Variants in MPDZ observed in about 807,000 individuals in gnomAD.
MPDZ encodes multiple PDZ domain crumbs cell polarity complex component, also known as multiple PDZ domain protein.
A neutral mutation model predicts 239.1 loss-of-function variants in MPDZ; 234 were observed. The ratio of observed to expected loss-of-function variants is 0.98; its 90% CI spans 0.88 to 1.09. MPDZ has a LOEUF of 1.09. MPDZ is among the 50% of genes least tolerant of loss of function. The probability of loss-of-function intolerance (pLI) is 0.00; values close to 1 mark genes in which losing one functional copy is unlikely to be tolerated. For missense variants in MPDZ, 3,175 were observed against 2,510.0 expected (o/e 1.26, Z -5.66); for synonymous variants, 1,048 against 881.3 (o/e 1.19, Z -3.35).
intron 19 of MPDZ, among the ~76,000 whole-genome samples, chr9:13,178,119 C>T (rs554235641): frequency 5.4e-4 from 82 of 151,964 alleles, no homozygotes; most frequent in African/African-American, 1.9e-3. Context: ...ATTAGCCGGG[C>T]GTGGTGGCTG....
chr9:13,216,570 A>G (rs1181266777), intron 10 of MPDZ, among the ~76,000 whole-genome samples: 1 of 151,938 alleles, frequency 6.6e-6, no homozygotes, highest in Non-Finnish European at 1.5e-5. Context: ...CCCGTTTGGA[A>G]CTGAGATGAG....
At chr9:13,275,208 C>T (rs1392803750) in intron 1 of MPDZ, among the ~76,000 whole-genome samples, 2 of 152,214 alleles carry the variant, frequency 1.3e-5, no homozygotes, top group Admixed American at 6.5e-5. Flanking sequence ...TAAAAATTCA[C>T]AGGAAATCCT....
intron 1 of MPDZ, among the ~76,000 whole-genome samples, chr9:13,251,080 G>C (rs1041923038): frequency 6.6e-5 from 8 of 120,412 alleles, no homozygotes; most frequent in African/African-American, 2.3e-4. Flanking sequence ...GGTGAGCCGA[G>C]ATCATGCCAC....
intron 2 of MPDZ, among the ~76,000 whole-genome samples, chr9:13,248,436 A>G (rs1312446659): frequency 1.3e-5 from 2 of 152,166 alleles, no homozygotes; most frequent in Non-Finnish European, 1.5e-5. Flanking sequence ...AAGTAAATAT[A>G]TTGAGTAACT....
chr9:13,114,526 T>C (rs548695516), intron 40 of MPDZ, among the ~76,000 whole-genome samples: 1 of 152,310 alleles, frequency 6.6e-6, no homozygotes, highest in South Asian at 2.1e-4. Flanking sequence ...TTTTTATACA[T>C]GGTGCTGAGT....
intron 1 of MPDZ, 132 bp downstream of exon 1, chr9:13,279,268 C>A (rs1481466258): frequency 3.0e-5 from 4 of 134,740 alleles, no homozygotes; most frequent in Non-Finnish European, 6.6e-5. Context: ...CCCCCACCCC[C>A]ACCCCCATCC....
intron 12 of MPDZ, among the ~76,000 whole-genome samples, chr9:13,203,197 C>A (rs1458443167): frequency 6.6e-6 from 1 of 152,022 alleles, no homozygotes; most frequent in Non-Finnish European, 1.5e-5. Context: ...AAATTCAGTA[C>A]AGAGAGAAAT....
rs140423550 is a variant in MPDZ, at chr9:13,161,512, A to G, written c.3359+1179T>C. Reference sequence around the variant, plus strand: ...CTTGAACCCGGGAGGCAGAGGTCTCAGTAAGCCAAAATCGCACCATTGCAC... The same window carrying G: ...CTTGAACCCGGGAGGCAGAGGTCTCGGTAAGCCAAAATCGCACCATTGCAC... On this transcript the variant is annotated intron_variant, in intron 23 of 46. Coordinates refer to ENST00000319217, the MANE Select transcript of MPDZ (RefSeq NM_001378778.1). Among the ~76,000 whole-genome samples, 561 of 152,258 alleles carry G rather than the reference A, an allele frequency of 3.7e-3. 7 individuals carry two copies. The highest frequency in any genetic ancestry group is 0.013 in the African/African-American group (535 of 41,560).
chr9:13,236,247 GTGTA>G (rs1173692349), intron 3 of MPDZ, among the ~76,000 whole-genome samples: 1 of 17,124 alleles, frequency 5.8e-5, no homozygotes, highest in African/African-American at 1.6e-4. Flanking sequence ...GTGTGTGTGT[GTGTA>G]TATATATATA....
chr9:13,213,901 C>G (rs1348939983), intron 10 of MPDZ, among the ~76,000 whole-genome samples: 3 of 151,998 alleles, frequency 2.0e-5, no homozygotes, highest in Non-Finnish European at 2.9e-5. Flanking sequence ...AAACTGCTAT[C>G]AGATATCTGC....
chr9:13,115,340 G>A lies in MPDZ; in HGVS notation c.5380-6C>T, dbSNP rs1327645595. On this transcript the variant is annotated splice_region_variant and splice_polypyrimidine_tract_variant and intron_variant, in intron 39 of 46. Transcript: ENST00000319217. The stretch of plus-strand genomic sequence containing the variant: ...GTTACTGTGCCTAGGGAACACTGGG[G>A]GTGGGCATGGGGGGTGTTTTATGGA... 1 of 1,606,842 alleles carries A rather than the reference G, an allele frequency of 6.2e-7. No individual in the cohort carries two copies. Among genetic ancestry groups the A allele is most frequent in the African/African-American group, 1.3e-5 (1 of 74,766 alleles).
chr9:13,157,504 C>T (rs536106110), intron 24 of MPDZ, among the ~76,000 whole-genome samples: 69 of 152,140 alleles, frequency 4.5e-4, no homozygotes, highest in Admixed American at 1.6e-3. Context: ...TAGTGATGCA[C>T]GTGATACATC....
intron 13 of MPDZ, among the ~76,000 whole-genome samples, chr9:13,195,258 A>G (rs1308699803): frequency 6.6e-6 from 1 of 152,172 alleles, no homozygotes; most frequent in African/African-American, 2.4e-5. Context: ...ACTGCACTCC[A>G]GCCTGGGTGA....
In MPDZ at chr9:13,219,412, T is replaced by C. The variant is rs775590790; in HGVS notation, c.1086+147A>G. The C allele has an allele frequency of 2.0e-5, 14 of 709,812 alleles. No individual in the cohort carries two copies. In the East Asian group the frequency reaches 3.8e-4, roughly 19 times the overall value. 44.0% of individuals were successfully genotyped at this position (709,812 alleles called of 1,614,324 possible). A position where few individuals can be genotyped will look rare whatever the true frequency, so the allele number is the denominator to read the frequency against. On this transcript the variant is annotated intron_variant, in intron 8 of 46. Coordinates refer to ENST00000319217, the MANE Select transcript of MPDZ (RefSeq NM_001378778.1). ...TTCCTGATTAATAAAATATCATTAG[T>C]GCTAAAGCATCCCTACATTTGAATT...
chr9:13,168,277 C>T, intron 22 of MPDZ, 89 bp downstream of exon 22: 2 of 1,223,064 alleles, frequency 1.6e-6, no homozygotes, highest in South Asian at 1.4e-5. Flanking sequence ...ACGTTTGCAT[C>T]TCAAACAGAA....
At chr9:13,279,008 G>A (rs1407867925) in intron 1 of MPDZ, 2 of 151,836 alleles carry the variant, frequency 1.3e-5, no homozygotes, top group Non-Finnish European at 2.9e-5. Context: ...TCTGGGTCAA[G>A]GAAAAGGAAA....
At chr9:13,217,524 C>T (rs1162481695) in intron 8 of MPDZ, among the ~76,000 whole-genome samples, 1 of 151,736 alleles carries the variant, frequency 6.6e-6, no homozygotes, top group African/African-American at 2.4e-5. Flanking sequence ...TGAACCTTCC[C>T]TTATCAGAGA....
intron 41 of MPDZ, 66 bp downstream of exon 41, chr9:13,113,865 C>T: frequency 2.4e-6 from 3 of 1,264,218 alleles, no homozygotes; most frequent in Non-Finnish European, 3.4e-6. Context: ...CAGAGGTAAA[C>T]AAGACAAAAA....
chr9:13,190,159 C>T lies in MPDZ; in HGVS notation c.2109G>A (p.Leu703=). The T allele has an allele frequency of 6.2e-7, 1 of 1,613,182 alleles. No homozygotes were observed. Among genetic ancestry groups the T allele is most frequent in the Non-Finnish European group, 8.5e-7 (1 of 1,179,518 alleles). The change falls in exon 16 of 47, where the codon CTG becomes CTA. Residue 703 remains leucine (L), a synonymous_variant. Coordinates refer to ENST00000319217, the MANE Select transcript of MPDZ (RefSeq NM_001378778.1). The part of the protein sequence containing the change: ...MWEAGIQHIE[L]EKGSKGLGFS... ...AACCAAGTCCTTTGCTCCCTTTCTC[C>T]AGCTCTATGTGCTGAATGCCAGCCT...
Sources: gnomAD v4.1 joint callset for allele counts (sites outside exome capture counted in the v4.1 genomes callset) on GRCh38, gnomAD v4.1.1 for gene constraint, MANE v1.5 for transcripts, NCBI Gene and HGNC (gene_info 2026-07-23, HGNC 2026-07-21) for gene names.